Variants in RBM3 observed in about 807,000 individuals in gnomAD.
RBM3 encodes RNA binding motif protein 3.
Under a neutral mutation model 12.0 loss-of-function variants are expected in RBM3, and 3 were observed. The ratio of observed to expected loss-of-function variants is 0.25; its 90% CI spans 0.11 to 0.65. The LOEUF (loss-of-function observed/expected upper bound fraction) is 0.65, where lower values mean the gene tolerates loss of function less well. Ranked by LOEUF, RBM3 falls within the 30% of genes least tolerant of loss-of-function variation. The pLI is 0.84. For synonymous variants in RBM3, 58 were observed against 45.7 expected (o/e 1.27, Z -1.08); for missense variants, 108 against 134.5 (o/e 0.80, Z 0.97).
In RBM3 at chrX:48,581,069, G is replaced by GGGT. The variant is rs1376899748; in HGVS notation, c.*3630_*3631insTGG. 9.9e-5 allele frequency: 10 copies of GGGT among 101,445 alleles called. No homozygotes were observed. Among genetic ancestry groups the GGGT allele is most frequent in the African/African-American group, 3.9e-4 (10 of 25,469 alleles). 8.4% of individuals were successfully genotyped at this position (101,445 alleles called of 1,213,427 possible). ...CTTAGAGGAAGTGCCCTGGATCTGG[G>GGGT]GGCGGGGGGGGGCGGGGGGAATGGG... On this transcript the variant is annotated 3_prime_UTR_variant, in exon 7 of 7. Transcript: ENST00000376759.
At position 48,577,945 on chromosome X, in the gene RBM3, G is replaced by A. The variant is rs2062088340; in HGVS notation, c.*504G>A. The A allele has an allele frequency of 8.8e-6, 1 of 113,857 alleles. No individual in the cohort carries two copies. The highest frequency in any genetic ancestry group is 3.3e-5 in the African/African-American group (1 of 30,678). The allele number at this position is 113,857 out of a possible 1,213,427, so 9.4% of individuals were successfully genotyped here. On this transcript the variant is annotated 3_prime_UTR_variant, in exon 7 of 7. Transcript: ENST00000376759. ...AACATAAAAAAATTAGCCTGGCATG[G>A]TGGTGTACGCCTGTAATCCCAGTGA... is the stretch of plus-strand genomic sequence containing the variant.
rs1217962244 is a variant in RBM3, at chrX:48,577,942, A to G, written c.*501A>G. ...CTAAACATAAAAAAATTAGCCTGGC[A>G]TGGTGGTGTACGCCTGTAATCCCAG... On this transcript the variant is annotated 3_prime_UTR_variant, in exon 7 of 7. Transcript: ENST00000376759. 1 of 114,008 alleles carries G rather than the reference A, an allele frequency of 8.8e-6. No individual in the cohort carries two copies. Among genetic ancestry groups the G allele is most frequent in the African/African-American group, 3.3e-5 (1 of 30,696 alleles). The allele number at this position is 114,008 out of a possible 1,213,427, so 9.4% of individuals were successfully genotyped here. A position where few individuals can be genotyped will look rare whatever the true frequency, so the allele number is the denominator to read the frequency against.
intron 1 of RBM3, 149 bp from the exon 2 acceptor site, chrX:48,575,019 G>A (rs2062073875): frequency 4.2e-6 from 2 of 475,150 alleles, no homozygotes; most frequent in Non-Finnish European, 7.3e-6. Context: ...CTTATTGGCC[G>A]CCTTTCTCAG....
intron 1 of RBM3, 117 bp downstream of exon 1, chrX:48,574,690 T>A (rs2062071711): frequency 3.0e-6 from 1 of 330,061 alleles, no homozygotes; most frequent in Non-Finnish European, 5.9e-6. Context: ...GGCTTGGCTT[T>A]CTCTGGGACG....
chrX:48,577,100 C>G lies in RBM3; in HGVS notation c.*14C>G. The G allele has an allele frequency of 8.3e-7, 1 of 1,211,466 alleles. No individual in the cohort carries two copies. The highest frequency in any genetic ancestry group is 1.8e-5 in the South Asian group (1 of 56,963). On this transcript the variant is annotated 3_prime_UTR_variant, in exon 6 of 7. Coordinates refer to ENST00000376759, the MANE Select transcript of RBM3 (RefSeq NM_006743.5). ...TATGACAACTGAAATGAGACATGCA[C>G]ATAATATAGGTGAGACTTGGATATC...
intron 6 of RBM3, 51 bp from the exon 7 acceptor site, chrX:48,577,414 G>A: frequency 1.1e-6 from 1 of 916,998 alleles, no homozygotes; most frequent in Non-Finnish European, 1.5e-6. Context: ...TGAGCATGTT[G>A]TCAGCTGTTA....
At position 48,579,824 on chromosome X, in the gene RBM3, T is replaced by TA. The variant is rs782608826; in HGVS notation, c.*2384dup. 8.9e-6 allele frequency: 1 copy of TA among 112,051 alleles called. No individual in the cohort carries two copies. The highest frequency in any genetic ancestry group is 2.8e-4 in the East Asian group (1 of 3,580). 9.2% of individuals were successfully genotyped at this position (112,051 alleles called of 1,213,427 possible). A position where few individuals can be genotyped will look rare whatever the true frequency, so the allele number is the denominator to read the frequency against. ...TAAACCTGCTCTGCTCTGCTGTGTTTACAATGTGCTTTGTGATCATCCAGC... is the reference window on the plus strand; with the variant it reads ...TAAACCTGCTCTGCTCTGCTGTGTTTAACAATGTGCTTTGTGATCATCCAGC... On this transcript the variant is annotated 3_prime_UTR_variant, in exon 7 of 7. Transcript: ENST00000376759.
rs1183837056 is a variant in RBM3 at position 48,577,916 on chromosome X, A to C, written c.*475A>C. ...ACCAACATGGTGAAACCCCATCTGT[A>C]CTAAACATAAAAAAATTAGCCTGGC... On this transcript the variant is annotated 3_prime_UTR_variant, in exon 7 of 7. Transcript: ENST00000376759. The C allele has an allele frequency of 8.6e-6, 1 of 116,071 alleles. No homozygotes were observed. Among genetic ancestry groups the C allele is most frequent in the Non-Finnish European group, 1.8e-5 (1 of 56,301 alleles). The allele number at this position is 116,071 out of a possible 1,213,427, so 9.6% of individuals were successfully genotyped here. A position where few individuals can be genotyped will look rare whatever the true frequency, so the allele number is the denominator to read the frequency against.
intron 3 of RBM3, 115 bp downstream of exon 3, chrX:48,575,782 C>T: frequency 1.4e-6 from 1 of 718,003 alleles, no homozygotes; most frequent in African/African-American, 2.1e-5. Context: ...CCGCAGTGCC[C>T]ACTCACAGGA....
chrX:48,575,734 C>T (rs2062077442), intron 3 of RBM3, 67 bp downstream of exon 3: 3 of 1,021,235 alleles, frequency 2.9e-6, no homozygotes, highest in Admixed American at 2.6e-5. Flanking sequence ...TTTTGTTTTT[C>T]CCTCTGTGTC....
At position 48,575,591 on chromosome X, in the gene RBM3, G is replaced by A. The variant is rs1556989077; in HGVS notation, c.134G>A (p.Arg45Gln). Residue 45 changes from arginine to glutamine, a missense_variant, in exon 3 of 7, where the codon CGG (arginine) becomes CAG (glutamine). Transcript: ENST00000376759. ...GTTGTCAAGGACCGGGAGACTCAGC[G>A]GTCCAGGGGTTTTGGTTTCATCACC... ...VVVVKDRETQ[R>Q]SRGFGFITFT... 3 of 1,209,420 alleles carry A rather than the reference G, an allele frequency of 2.5e-6. No individual in the cohort carries two copies. In the African/African-American group the frequency reaches 5.2e-5, roughly 21 times the overall value.
Position 48,575,230 on chromosome X carries a change from C to T in RBM3, c.50C>T (p.Thr17Ile). The T allele has an allele frequency of 8.3e-7, 1 of 1,210,544 alleles. No homozygotes were observed. The highest frequency in any genetic ancestry group is 1.1e-6 in the Non-Finnish European group (1 of 895,014). The change falls in exon 2 of 7, where the codon ACC (threonine) becomes ATC (isoleucine). Residue 17 changes from threonine to isoleucine, a missense_variant. By Grantham distance (89) the Thr-to-Ile change is moderately conservative. Transcript: ENST00000376759. ...TTCGTGGGAGGGCTCAACTTTAACA[C>T]CGACGAGCAGGCACTGGAAGACCAC... Reference protein sequence around the residue: ...KLFVGGLNFNTDEQALEDHFS... With the variant: ...KLFVGGLNFNIDEQALEDHFS...
rs1342227927 is a variant in RBM3, at chrX:48,578,274, A to G, written c.*833A>G. ...GTCTTTCACAGAGCTTATTAAAAAG[A>G]TGAAACCTGAGAACAAACTGCTTTA... On this transcript the variant is annotated 3_prime_UTR_variant, in exon 7 of 7. Coordinates refer to ENST00000376759, the MANE Select transcript of RBM3 (RefSeq NM_006743.5). 9 of 110,581 alleles carry G rather than the reference A, an allele frequency of 8.1e-5. No homozygotes were observed. Among genetic ancestry groups the G allele is most frequent in the African/African-American group, 3.0e-4 (9 of 30,399 alleles). 9.1% of individuals were successfully genotyped at this position (110,581 alleles called of 1,213,427 possible).
In RBM3 at chrX:48,576,743, A is replaced by T; in HGVS notation, c.413+139A>T. 5 of 988,111 alleles carry T rather than the reference A, an allele frequency of 5.1e-6. No homozygotes were observed. The South Asian group carries it at 1.2e-4, about 25-fold the overall frequency. The allele number at this position is 988,111 out of a possible 1,213,427, so 81.4% of individuals were successfully genotyped here. A position where few individuals can be genotyped will look rare whatever the true frequency, so the allele number is the denominator to read the frequency against. The stretch of plus-strand genomic sequence containing the variant: ...AGTATGAAATTTAGCATTTTAAGTT[A>T]ATTGTGTAGTCATATAGTTGCGACA... On this transcript the variant is annotated intron_variant, in intron 5 of 6. Coordinates refer to ENST00000376759, the MANE Select transcript of RBM3 (RefSeq NM_006743.5).
intron 4 of RBM3, 34 bp downstream of exon 4, chrX:48,576,453 G>A (rs781798615): frequency 1.7e-6 from 2 of 1,202,230 alleles, no homozygotes; most frequent in South Asian, 3.6e-5. Context: ...CATGGGGTGA[G>A]AGGGAGAGTT....
At chrX:48,575,888 C>A in intron 3 of RBM3, 1 of 517,552 alleles carries the variant, frequency 1.9e-6, no homozygotes, top group Non-Finnish European at 3.1e-6. Context: ...GGCCGAGAAG[C>A]CACCTGTGGA....
At chrX:48,576,688 C>T (rs782691785) in intron 5 of RBM3, 84 bp downstream of exon 5, 5 of 1,109,021 alleles carry the variant, frequency 4.5e-6, no homozygotes, top group Admixed American at 3.3e-5. Flanking sequence ...GCATACCACA[C>T]CTTGCTGTTA....
rs1251075770 is a variant in RBM3, at chrX:48,574,506, C to T, written c.-81C>T. 9.1e-6 allele frequency: 3 copies of T among 329,696 alleles called. No homozygotes were observed. Among genetic ancestry groups the T allele is most frequent in the Admixed American group, 6.2e-5 (2 of 32,068 alleles). 27.2% of individuals were successfully genotyped at this position (329,696 alleles called of 1,213,427 possible). A position where few individuals can be genotyped will look rare whatever the true frequency, so the allele number is the denominator to read the frequency against. On this transcript the variant is annotated 5_prime_UTR_variant, in exon 1 of 7. Coordinates refer to ENST00000376759, the MANE Select transcript of RBM3 (RefSeq NM_006743.5). The stretch of plus-strand genomic sequence containing the variant: ...TTTATCAATCGTCTTCCGGCGCAGC[C>T]CCGTCCCTGTTTTTTGTGCTCCTCC...
In RBM3 at chrX:48,577,871, A is replaced by G. The variant is rs1308810627; in HGVS notation, c.*430A>G. 1.5e-5 allele frequency: 2 copies of G among 130,672 alleles called. No individual in the cohort carries two copies. Among genetic ancestry groups the G allele is most frequent in the Admixed American group, 8.7e-5 (1 of 11,451 alleles). The allele number at this position is 130,672 out of a possible 1,213,427, so 10.8% of individuals were successfully genotyped here. A position where few individuals can be genotyped will look rare whatever the true frequency, so the allele number is the denominator to read the frequency against. ...CAATTTCCCAATGTACCTATAAGAA[A>G]TGTGCATCAAGCCAGCCTGACCAAC... On this transcript the variant is annotated 3_prime_UTR_variant, in exon 7 of 7. Coordinates refer to ENST00000376759, the MANE Select transcript of RBM3 (RefSeq NM_006743.5).
Sources: allele counts gnomAD v4.1 joint callset, GRCh38; gene constraint gnomAD v4.1.1; transcripts MANE v1.5; gene names NCBI Gene and HGNC (gene_info 2026-07-23, HGNC 2026-07-21).